FHOD3: variants seen among roughly 807,000 people sequenced by gnomAD.
FHOD3 encodes FH1/FH2 domain-containing protein 3.
FHOD3 carries 90 observed loss-of-function variants against 173.0 expected under a neutral mutation model. That is an observed-to-expected ratio of 0.52 (90% CI 0.44 to 0.62). The LOEUF (loss-of-function observed/expected upper bound fraction) is 0.62, where lower values mean the gene tolerates loss of function less well. FHOD3 is among the 20% of genes least tolerant of loss of function. FHOD3 has a pLI of 0.00. For synonymous variants in FHOD3, 828 were observed against 823.0 expected, an observed-to-expected ratio of 1.01 and a Z score of -0.10; for missense variants, 1,945 against 2,034.7, an observed-to-expected ratio of 0.96 and a Z score of 0.85.
At chr18:36,686,980 C>T in intron 15 of FHOD3, 148 bp from the exon 16 acceptor site, 1 of 573,456 alleles carries the variant, frequency 1.7e-6, no homozygotes, top group Non-Finnish European at 3.1e-6. Context: ...AGGCTTTAAA[C>T]TTTTAAAAAT....
chr18:36,464,907 T>G (rs28730349), intron 3 of FHOD3, among the ~76,000 whole-genome samples: 2,959 of 152,252 alleles, frequency 0.019, 85 homozygotes, highest in African/African-American at 0.067. Flanking sequence ...TAGCTGCCCT[T>G]CAGTGTCCGA....
chr18:36,723,251 A>G (rs2040880659), intron 19 of FHOD3, among the ~76,000 whole-genome samples: 1 of 152,186 alleles, frequency 6.6e-6, no homozygotes, highest in Non-Finnish European at 1.5e-5. Context: ...TGAGAAATTA[A>G]TACTCTTTCC....
intron 19 of FHOD3, 57 bp from the exon 20 acceptor site, chr18:36,730,589 T>C (rs572944188): frequency 1.3e-6 from 2 of 1,550,584 alleles, no homozygotes; most frequent in African/African-American, 2.7e-5. Context: ...AATAATGAAA[T>C]GCAGAAAGGA....
At chr18:36,625,465 A>C (rs776229983) in intron 9 of FHOD3, 46 bp from the exon 10 acceptor site, 3 of 1,362,080 alleles carry the variant, frequency 2.2e-6, no homozygotes, top group Admixed American at 2.8e-5. Flanking sequence ...GGTCTGTGAA[A>C]GGATGCCAAG....
chr18:36,369,160 T>C (rs1847195140), intron 2 of FHOD3, among the ~76,000 whole-genome samples: 3 of 152,176 alleles, frequency 2.0e-5, no homozygotes, highest in Admixed American at 1.3e-4. Flanking sequence ...TTGAAAGTTT[T>C]AGCCATGAAG....
rs143290620 is a variant in FHOD3, at chr18:36,386,675, A to G, written c.337+13931A>G. On this transcript the variant is annotated intron_variant, in intron 3 of 28. Coordinates refer to ENST00000590592, the MANE Select transcript of FHOD3 (RefSeq NM_001281740.3). ...CCATGCCAGGCTCCTGGAGGGCAGC[A>G]CTGCTGTGGTGGAGATACTCAGAGG... is the stretch of plus-strand genomic sequence containing the variant. 5.1e-3 allele frequency among the ~76,000 whole-genome samples: 782 copies of G among 152,276 alleles called. 3 individuals are homozygous for G. Among genetic ancestry groups the G allele is most frequent in the Non-Finnish European group, 7.8e-3 (533 of 68,024 alleles).
At chr18:36,597,680 C>A (rs2030687363) in intron 7 of FHOD3, among the ~76,000 whole-genome samples, 1 of 152,198 alleles carries the variant, frequency 6.6e-6, no homozygotes, top group Non-Finnish European at 1.5e-5. Flanking sequence ...CCCGCCTTGG[C>A]CTCCCAGAGT....
intron 23 of FHOD3, among the ~76,000 whole-genome samples, chr18:36,745,592 C>T (rs2042112342): frequency 6.6e-6 from 1 of 152,160 alleles, no homozygotes; most frequent in Non-Finnish European, 1.5e-5. Context: ...TCTGAAGTCA[C>T]TCCAGCAAGT....
At chr18:36,430,896 C>T (rs1029475154) in intron 3 of FHOD3, among the ~76,000 whole-genome samples, 7 of 152,094 alleles carry the variant, frequency 4.6e-5, no homozygotes, top group Admixed American at 4.6e-4. Context: ...GGCAGACCAA[C>T]TGGATGCCAA....
chr18:36,320,441 T>C (rs1046972608), intron 1 of FHOD3, among the ~76,000 whole-genome samples: 6 of 152,318 alleles, frequency 3.9e-5, no homozygotes, highest in African/African-American at 7.2e-5. Context: ...CAGGAAGAAG[T>C]TGAATCCCTG....
At chr18:36,325,467 C>G (rs1035428726) in intron 1 of FHOD3, among the ~76,000 whole-genome samples, 1 of 152,182 alleles carries the variant, frequency 6.6e-6, no homozygotes, top group African/African-American at 2.4e-5. Flanking sequence ...TATACAGTGG[C>G]AGGTTTATCC....
At chr18:36,638,028 T>C (rs2035016812) in intron 10 of FHOD3, among the ~76,000 whole-genome samples, 1 of 152,232 alleles carries the variant, frequency 6.6e-6, no homozygotes, top group Non-Finnish European at 1.5e-5. Flanking sequence ...ATTCACCAAA[T>C]GTATAACAGT....
rs182135741 is a variant in FHOD3 at position 36,620,061 on chromosome 18, A to G, written c.958-5450A>G. 5.3e-5 allele frequency among the ~76,000 whole-genome samples: 8 copies of G among 152,278 alleles called. No individual in the cohort carries two copies. The East Asian group carries it at 1.2e-3, about 22-fold the overall frequency. On this transcript the variant is annotated intron_variant, in intron 9 of 28. Coordinates refer to ENST00000590592, the MANE Select transcript of FHOD3 (RefSeq NM_001281740.3). ...AGCAAGGTGATCCTCCTGAAAGTCA[A>G]ATCTCATTATGCTGTTCTCCTGTTT...
chr18:36,464,558 C>T (rs2052787349), intron 3 of FHOD3, among the ~76,000 whole-genome samples: 1 of 152,162 alleles, frequency 6.6e-6, no homozygotes, highest in Admixed American at 6.6e-5. Flanking sequence ...ATAAAAATTC[C>T]ATCAACTAAC....
intron 10 of FHOD3, among the ~76,000 whole-genome samples, chr18:36,648,290 A>G (rs2035822672): frequency 6.6e-6 from 1 of 152,152 alleles, no homozygotes; most frequent in Admixed American, 6.6e-5. Context: ...GGGAGGGGCT[A>G]AAGGTGGAGG....
chr18:36,455,850 G>T (rs1250905962), intron 3 of FHOD3, among the ~76,000 whole-genome samples: 1 of 152,034 alleles, frequency 6.6e-6, no homozygotes, highest in Non-Finnish European at 1.5e-5. Context: ...ATCTATTTTT[G>T]TTTTCCCCTG....
rs1329148576 is a variant in FHOD3 at position 36,297,795 on chromosome 18, C to T, written c.-41C>T. 1.4e-6 allele frequency: 2 copies of T among 1,474,036 alleles called. No individual in the cohort carries two copies. Among genetic ancestry groups the T allele is most frequent in the African/African-American group, 1.5e-5 (1 of 67,868 alleles). The allele number at this position is 1,474,036 out of a possible 1,614,324, so 91.3% of individuals were successfully genotyped here. On this transcript the variant is annotated 5_prime_UTR_variant, in exon 1 of 29. Coordinates refer to ENST00000590592, the MANE Select transcript of FHOD3 (RefSeq NM_001281740.3). Reference sequence around the variant, plus strand: ...ACCCGGGCGTCCCGGCCCGCGGCCCCGCTAACCCCGGGGCCCGCGCCCCCG... The same window carrying T: ...ACCCGGGCGTCCCGGCCCGCGGCCCTGCTAACCCCGGGGCCCGCGCCCCCG...
At chr18:36,450,799 C>T (rs1032109206) in intron 3 of FHOD3, among the ~76,000 whole-genome samples, 2 of 152,026 alleles carry the variant, frequency 1.3e-5, no homozygotes, top group Non-Finnish European at 2.9e-5. Context: ...TCTTTTAAAA[C>T]AAAACAAACA....
intron 3 of FHOD3, among the ~76,000 whole-genome samples, chr18:36,499,279 T>C (rs1237035343): frequency 6.6e-6 from 1 of 152,138 alleles, no homozygotes; most frequent in Non-Finnish European, 1.5e-5. Flanking sequence ...AATTTTTGTA[T>C]TTTTAATAGA....
Sources: gnomAD v4.1 joint callset for allele counts (sites outside exome capture counted in the v4.1 genomes callset) on GRCh38, gnomAD v4.1.1 for gene constraint, MANE v1.5 for transcripts, NCBI Gene and HGNC (gene_info 2026-07-23, HGNC 2026-07-21) for gene names.